CALD1: variants seen among roughly 807,000 people sequenced by gnomAD.
CALD1 encodes caldesmon 1, also known as caldesmon.
CALD1 carries 33 observed loss-of-function variants against 99.9 expected under a neutral mutation model. The observed-to-expected ratio is 0.33, with a 90% CI of 0.25 to 0.44. CALD1 has a LOEUF of 0.44. Among genes scored for constraint, CALD1 ranks in the 20% least tolerant of loss-of-function variants. CALD1 has a pLI of 1.00. For missense variants in CALD1, 861 were observed against 962.1 expected (o/e 0.89, Z 1.39); for synonymous variants, 310 against 325.0 (o/e 0.95, Z 0.50).
intron 1 of CALD1, among the ~76,000 whole-genome samples, chr7:134,832,864 T>C (rs192871603): frequency 2.0e-5 from 3 of 152,378 alleles, no homozygotes; most frequent in Admixed American, 6.5e-5. Flanking sequence ...AGCATTTCTA[T>C]GCAAGCTTAG....
At chr7:134,913,937 G>A (rs1217548876) in intron 3 of CALD1, among the ~76,000 whole-genome samples, 1 of 152,116 alleles carries the variant, frequency 6.6e-6, no homozygotes, top group Non-Finnish European at 1.5e-5. Flanking sequence ...GCTTCCTATT[G>A]TAGAAAGAAA....
At chr7:134,833,655 C>T (rs1799317589) in intron 1 of CALD1, among the ~76,000 whole-genome samples, 1 of 152,208 alleles carries the variant, frequency 6.6e-6, no homozygotes, top group African/African-American at 2.4e-5. Flanking sequence ...ACTTAACACA[C>T]ATTTATTGAG....
At chr7:134,726,370 CTT>C in the CALD1 span, among the ~76,000 whole-genome samples, 2 of 144,758 alleles carry the variant, frequency 1.4e-5, no homozygotes, top group Non-Finnish European at 1.5e-5. Context: ...ATGTATATAA[CTT>C]AATATAATAT....
rs183621218 is a variant in CALD1 at position 134,748,740 on chromosome 7, A to G, written c.-130+4377A>G. ...GCCCCCCAAAAAAAACCAAAAAAAC[A>G]AACAAACATGAATTTGGGTAGAGGC... On this transcript the variant is annotated intron_variant, in intron 1 of 13. Transcript: ENST00000417172. Among the ~76,000 whole-genome samples, 40 of 149,248 alleles carry G rather than the reference A, an allele frequency of 2.7e-4. 1 individual carries two copies. The East Asian group carries it at 4.5e-3, about 17-fold the overall frequency.
chr7:134,846,186 C>T (rs1367417435), intron 2 of CALD1, among the ~76,000 whole-genome samples: 4 of 152,152 alleles, frequency 2.6e-5, no homozygotes, highest in Non-Finnish European at 5.9e-5. Context: ...AGAGGCAGGT[C>T]GTTTTCAGGG....
the CALD1 span, among the ~76,000 whole-genome samples, chr7:134,739,002 A>T: frequency 6.6e-6 from 1 of 152,202 alleles, no homozygotes; most frequent in Non-Finnish European, 1.5e-5. Context: ...CGTTGTATCA[A>T]TCCACAACTT....
chr7:134,890,202 G>T (rs576381165), intron 3 of CALD1, among the ~76,000 whole-genome samples: 2 of 152,300 alleles, frequency 1.3e-5, no homozygotes, highest in Admixed American at 6.5e-5. Context: ...ACCTCGCCTG[G>T]CCTATAAACT....
intron 3 of CALD1, among the ~76,000 whole-genome samples, chr7:134,883,209 G>C (rs568423162): frequency 1.3e-5 from 2 of 152,212 alleles, no homozygotes; most frequent in African/African-American, 4.8e-5. Flanking sequence ...AAGGTAATTT[G>C]AAGTTATCCT....
intron 3 of CALD1, among the ~76,000 whole-genome samples, chr7:134,914,583 T>C (rs1305201751): frequency 2.0e-5 from 3 of 152,214 alleles, no homozygotes; most frequent in African/African-American, 7.2e-5. Context: ...GCCATCTTTC[T>C]GTATGTACCA....
At chr7:134,874,520 C>T (rs899120609) in intron 3 of CALD1, among the ~76,000 whole-genome samples, 1 of 152,176 alleles carries the variant, frequency 6.6e-6, no homozygotes, top group Non-Finnish European at 1.5e-5. Flanking sequence ...ATGAGAAAAT[C>T]TCCAGCAGAC....
intron 3 of CALD1, among the ~76,000 whole-genome samples, chr7:134,907,757 C>A (rs11560395): frequency 0.28 from 42,437 of 152,038 alleles, 6,903 homozygotes; most frequent in East Asian, 0.43. Flanking sequence ...CCAGTCCCCC[C>A]CCGCCTTTTC....
At chr7:134,789,358 T>C (rs1254552035) in intron 1 of CALD1, among the ~76,000 whole-genome samples, 1 of 152,254 alleles carries the variant, frequency 6.6e-6, no homozygotes, top group Non-Finnish European at 1.5e-5. Flanking sequence ...CACTGTGCTA[T>C]GCTGCCTCTT....
chr7:134,960,483 G>A, intron 12 of CALD1, 50 bp from the exon 13 acceptor site: 1 of 1,098,868 alleles, frequency 9.1e-7, no homozygotes, highest in South Asian at 1.3e-5. Context: ...TTCCTTCCCA[G>A]GTAAAGTTTA....
intron 1 of CALD1, among the ~76,000 whole-genome samples, chr7:134,805,504 T>C (rs1188305992): frequency 6.6e-6 from 1 of 152,206 alleles, no homozygotes; most frequent in Non-Finnish European, 1.5e-5. Context: ...ATATCATTTA[T>C]ATTTTCAGTG....
chr7:134,742,016 TACACACACACACAC>T (rs112633191), upstream of CALD1, among the ~76,000 whole-genome samples: 6 of 147,990 alleles, frequency 4.1e-5, no homozygotes, highest in Admixed American at 6.7e-5. Flanking sequence ...GAGGTATTGA[TACACACACACACAC>T]ACACACACAC....
intron 1 of CALD1, among the ~76,000 whole-genome samples, chr7:134,793,292 A>C (rs1178469283): frequency 6.6e-6 from 1 of 152,194 alleles, no homozygotes; most frequent in Non-Finnish European, 1.5e-5. Context: ...CCCCAGACAC[A>C]AGGAAAAATA....
chr7:134,792,184 G>C (rs1444427407), intron 1 of CALD1, among the ~76,000 whole-genome samples: 1 of 152,114 alleles, frequency 6.6e-6, no homozygotes, highest in Non-Finnish European at 1.5e-5. Flanking sequence ...GGGCTGTGAG[G>C]GAAGTCTCTG....
At chr7:134,920,458 G>A (rs2132803397) in intron 3 of CALD1, 2 of 1,013,698 alleles carry the variant, frequency 2.0e-6, no homozygotes, top group East Asian at 7.9e-5. Flanking sequence ...TCAAATAAAA[G>A]TAATTGACTA....
chr7:134,920,733 G>A, intron 3 of CALD1: 2 of 1,234,496 alleles, frequency 1.6e-6, no homozygotes, highest in Non-Finnish European at 2.1e-6. Flanking sequence ...AAGTTACTAT[G>A]AATTCAAAAA....
Sources: allele counts gnomAD v4.1 joint callset (sites outside exome capture counted in the v4.1 genomes callset), GRCh38; gene constraint gnomAD v4.1.1; transcripts MANE v1.5; gene names NCBI Gene and HGNC (gene_info 2026-07-23, HGNC 2026-07-21).